The following LRP4 variants were observed in gnomAD, a reference collection of about 807,000 sequenced individuals.
The protein encoded by LRP4 is low-density lipoprotein receptor-related protein 4.
Under a neutral mutation model 220.3 loss-of-function variants are expected in LRP4, and 95 were observed. The ratio of observed to expected loss-of-function variants is 0.43; its 90% CI spans 0.37 to 0.51. The LOEUF (loss-of-function observed/expected upper bound fraction) is 0.51. Among genes scored for constraint, LRP4 ranks in the 20% least tolerant of loss-of-function variants. The pLI is 0.00. For synonymous variants in LRP4, 903 were observed against 954.6 expected, an observed-to-expected ratio of 0.95 and a Z score of 1.00; for missense variants, 1,925 against 2,567.0, an observed-to-expected ratio of 0.75 and a Z score of 5.40.
At chr11:46,868,557 C>T (rs1940764662) in intron 33 of LRP4, 43 bp downstream of exon 33, 3 of 1,422,176 alleles carry the variant, frequency 2.1e-6, no homozygotes, top group Non-Finnish European at 3.0e-6. Flanking sequence ...TCAGCCCTTC[C>T]AGGGGCTCTG....
chr11:46,872,633 A>G lies in LRP4; in HGVS notation c.4583+467T>C, dbSNP rs539263306. On this transcript the variant is annotated intron_variant, in intron 30 of 37. Coordinates refer to ENST00000378623, the MANE Select transcript of LRP4 (RefSeq NM_002334.4). ...GTGGCATGTGCCTATAGTCCCTGCTACTTGAGAGGCTGAGGTAAGAAGATG... is the reference window on the plus strand; with the variant it reads ...GTGGCATGTGCCTATAGTCCCTGCTGCTTGAGAGGCTGAGGTAAGAAGATG... 7.2e-5 allele frequency among the ~76,000 whole-genome samples: 11 copies of G among 152,266 alleles called. No individual in the cohort carries two copies. In the East Asian group the frequency reaches 2.1e-3, roughly 29 times the overall value.
intron 13 of LRP4, among the ~76,000 whole-genome samples, chr11:46,891,366 G>A (rs993190815): frequency 7.9e-5 from 12 of 151,348 alleles, no homozygotes; most frequent in Non-Finnish European, 1.6e-4. Context: ...CACCTGCCTC[G>A]GCCTCCCAAA....
At chr11:46,868,169 G>A (rs1940753784) in intron 33 of LRP4, 55 bp from the exon 34 acceptor site, 1 of 1,608,434 alleles carries the variant, frequency 6.2e-7, no homozygotes, top group Non-Finnish European at 8.5e-7. Context: ...ATCTACATAT[G>A]GCCCAAGAGT....
chr11:46,897,348 CTTTTTATT>C (rs1225433607), intron 7 of LRP4, among the ~76,000 whole-genome samples: 10 of 95,640 alleles, frequency 1.0e-4, no homozygotes, highest in African/African-American at 3.3e-4. Flanking sequence ...TTTTTTTTTT[CTTTTTATT>C]TTTTTATTTT....
chr11:46,858,556 CCT>C lies in LRP4; in HGVS notation c.*425_*426del. The C allele has an allele frequency of 3.4e-6, 1 of 292,738 alleles. No homozygotes were observed. Among genetic ancestry groups the C allele is most frequent in the South Asian group, 3.6e-5 (1 of 27,846 alleles). The allele number at this position is 292,738 out of a possible 1,614,324, so 18.1% of individuals were successfully genotyped here. On this transcript the variant is annotated 3_prime_UTR_variant, in exon 38 of 38. Coordinates refer to ENST00000378623, the MANE Select transcript of LRP4 (RefSeq NM_002334.4). ...TTACCCACACCCCCATGTCCCAGCCCCTGATGGGCAAGTTCTCTCAGAGAAGC... is the reference window on the plus strand; with the variant it reads ...TTACCCACACCCCCATGTCCCAGCCCGATGGGCAAGTTCTCTCAGAGAAGC...
In LRP4 at chr11:46,899,826, G is replaced by T; in HGVS notation, c.430+37C>A. 1.9e-6 allele frequency: 3 copies of T among 1,566,828 alleles called. No individual in the cohort carries two copies. In the East Asian group the frequency reaches 6.7e-5, roughly 35 times the overall value. On this transcript the variant is annotated intron_variant, in intron 4 of 37. Transcript: ENST00000378623. The surrounding 1 kb of genome is among the most constrained non-coding windows in gnomAD (Gnocchi z 5.9). ...TCTCCCATGGCCAGGCCACCCACTGGCCACCTTGCCTGCCTTCCCCCGTTG... is the reference window on the plus strand; with the variant it reads ...TCTCCCATGGCCAGGCCACCCACTGTCCACCTTGCCTGCCTTCCCCCGTTG...
chr11:46,893,098 T>C lies in LRP4; in HGVS notation c.1572A>G (p.Lys524=). The C allele has an allele frequency of 2.5e-6, 4 of 1,613,906 alleles. No homozygotes were observed. The highest frequency in any genetic ancestry group is 3.4e-6 in the Non-Finnish European group (4 of 1,179,978). The change falls in exon 13 of 38, where the codon AAA becomes AAG. Residue 524 remains lysine, a synonymous_variant. Coordinates refer to ENST00000378623, the MANE Select transcript of LRP4 (RefSeq NM_002334.4). The stretch of plus-strand genomic sequence containing the variant: ...AGGTGCCTGAGTCGGTCCAGTAGAG[T>C]TTGTCATGGACCCAATCCACAGCCA... ...GGLAVDWVHD[K]LYWTDSGTSR...
At chr11:46,905,217 A>T (rs1259843949) in intron 1 of LRP4, among the ~76,000 whole-genome samples, 1 of 152,054 alleles carries the variant, frequency 6.6e-6, no homozygotes, top group Non-Finnish European at 1.5e-5. Flanking sequence ...CTGAGAAGGG[A>T]GGAGGGTTTT....
At chr11:46,887,293 A>G (rs1470028567) in intron 16 of LRP4, among the ~76,000 whole-genome samples, 3 of 152,184 alleles carry the variant, frequency 2.0e-5, no homozygotes, top group Non-Finnish European at 4.4e-5. Context: ...ATGTTGCCAA[A>G]TGTCTTCTTC....
chr11:46,875,502 C>G lies in LRP4; in HGVS notation c.3879G>C (p.Leu1293=). Residue 1293 remains leucine, a synonymous_variant, in exon 27 of 38, where the codon CTG becomes CTC. Coordinates refer to ENST00000378623, the MANE Select transcript of LRP4 (RefSeq NM_002334.4). The surrounding 1 kb of genome is among the most constrained non-coding windows in gnomAD (Gnocchi z 4.5). ...GSNVILVRSN[L]PGLMDMQAVD... ...CAGCCTGCATGTCCATGAGGCCTGG[C>G]AGGTTGGACCTCACGAGGATGACAT... 1.2e-6 allele frequency: 2 copies of G among 1,614,162 alleles called. No homozygotes were observed. Among genetic ancestry groups the G allele is most frequent in the Non-Finnish European group, 1.7e-6 (2 of 1,180,032 alleles).
intron 7 of LRP4, among the ~76,000 whole-genome samples, 162 bp from the exon 8 acceptor site, chr11:46,897,156 T>C (rs1941550648): frequency 6.6e-6 from 1 of 152,160 alleles, no homozygotes; most frequent in South Asian, 2.1e-4. Flanking sequence ...AAAGTATCCT[T>C]TCCTCAAGAC....
chr11:46,881,511 C>G (rs1356912417), intron 20 of LRP4, among the ~76,000 whole-genome samples, 191 bp downstream of exon 20: 1 of 152,148 alleles, frequency 6.6e-6, no homozygotes, highest in Admixed American at 6.5e-5. Context: ...CCCTTTCCCA[C>G]CCCTGCCCCC....
At chr11:46,882,617 T>G (rs1422902544) in intron 19 of LRP4, among the ~76,000 whole-genome samples, 1 of 152,102 alleles carries the variant, frequency 6.6e-6, no homozygotes, top group African/African-American at 2.4e-5. Flanking sequence ...TTTGGGAGGC[T>G]GAAGCAGGAC....
intron 34 of LRP4, among the ~76,000 whole-genome samples, chr11:46,867,097 T>C (rs1468703726): frequency 1.3e-5 from 2 of 152,200 alleles, no homozygotes; most frequent in African/African-American, 4.8e-5. Flanking sequence ...TTCAGTTTAA[T>C]TTCTCAAATC....
intron 33 of LRP4, among the ~76,000 whole-genome samples, chr11:46,868,334 T>A (rs1192705973): frequency 6.6e-6 from 1 of 151,666 alleles, no homozygotes; most frequent in Non-Finnish European, 1.5e-5. Flanking sequence ...GAAGAGAGAG[T>A]GATGCACAGG....
Position 46,869,686 on chromosome 11 carries a change from C to T in LRP4, c.4693-554G>A, listed in dbSNP as rs185310991. Among the ~76,000 whole-genome samples the T allele has an allele frequency of 2.9e-3, 420 of 146,280 alleles. 2 individuals carry two copies. The highest frequency in any genetic ancestry group is 0.011 in the African/African-American group (398 of 36,682). ...GGGGCAATGAAGGTGTTCTCATCCT[C>T]ATCCAAGGGTATATATCAGAAACTG... On this transcript the variant is annotated intron_variant, in intron 31 of 37. Coordinates refer to ENST00000378623, the MANE Select transcript of LRP4 (RefSeq NM_002334.4).
intron 1 of LRP4, among the ~76,000 whole-genome samples, chr11:46,909,029 C>T (rs1233299373): frequency 6.6e-6 from 1 of 152,214 alleles, no homozygotes; most frequent in East Asian, 1.9e-4. Context: ...TAGTATTCTT[C>T]TCTTAGTGTG....
chr11:46,889,816 G>A, intron 15 of LRP4, 128 bp downstream of exon 15: 3 of 1,081,290 alleles, frequency 2.8e-6, no homozygotes, highest in Non-Finnish European at 4.2e-6. Context: ...ATTAGCCCAT[G>A]TCAGTGCCCT....
intron 18 of LRP4, among the ~76,000 whole-genome samples, chr11:46,884,401 A>C (rs1941232427): frequency 6.6e-6 from 1 of 152,088 alleles, no homozygotes; most frequent in Admixed American, 6.5e-5. Context: ...CAGGAGTTCA[A>C]GACCAGCCTG....
Sources: allele counts gnomAD v4.1 joint callset (sites outside exome capture counted in the v4.1 genomes callset), GRCh38; gene constraint gnomAD v4.1.1; non-coding constraint Gnocchi (gnomAD v3.1); transcripts MANE v1.5; gene names NCBI Gene and HGNC (gene_info 2026-07-23, HGNC 2026-07-21).